The following GRID2 variants were observed in gnomAD, a reference collection of about 807,000 sequenced individuals.
GRID2 encodes the protein glutamate receptor ionotropic, delta-2.
Under a neutral mutation model 114.8 loss-of-function variants are expected in GRID2, and 33 were observed. The observed-to-expected ratio is 0.29, with a 90% confidence interval of 0.22 to 0.38. The LOEUF is 0.38. Among genes scored for constraint, GRID2 ranks in the 10% least tolerant of loss-of-function variants. The pLI is 1.00. For missense variants in GRID2, 1,184 were observed against 1,257.7 expected (o/e 0.94, Z 0.89); for synonymous variants, 505 against 449.9 (o/e 1.12, Z -1.55).
At chr4:92,700,304 G>A (rs1734606009) in intron 2 of GRID2, among the ~76,000 whole-genome samples, 1 of 152,092 alleles carries the variant, frequency 6.6e-6, no homozygotes, top group African/African-American at 2.4e-5. Flanking sequence ...TTGTCATTTG[G>A]CTAGGTCATA....
chr4:92,585,563 A>G (rs1033322663), intron 1 of GRID2, among the ~76,000 whole-genome samples: 1 of 151,958 alleles, frequency 6.6e-6, no homozygotes, highest in East Asian at 1.9e-4. Flanking sequence ...CAATATTTAG[A>G]GTCTTTTATT....
intron 2 of GRID2, among the ~76,000 whole-genome samples, chr4:92,749,955 T>C (rs562463422): frequency 1.3e-5 from 2 of 150,566 alleles, no homozygotes; most frequent in Admixed American, 1.3e-4. Flanking sequence ...TCTGCCTCCC[T>C]AGTTCCAGCA....
chr4:92,525,954 A>G (rs766269398), intron 1 of GRID2, among the ~76,000 whole-genome samples: 2 of 152,110 alleles, frequency 1.3e-5, no homozygotes, highest in Non-Finnish European at 2.9e-5. Flanking sequence ...AGAAGTGATA[A>G]GTTTTCACAA....
intron 1 of GRID2, among the ~76,000 whole-genome samples, chr4:92,404,470 A>G (rs1473470148): frequency 2.0e-5 from 3 of 152,226 alleles, no homozygotes; most frequent in Non-Finnish European, 4.4e-5. Context: ...TGTGGAAGAC[A>G]GTGTGGCAAT....
At chr4:93,793,747 A>G (rs1015831751) in intron 1 of GRID2, among the ~76,000 whole-genome samples, 3 of 152,176 alleles carry the variant, frequency 2.0e-5, no homozygotes, top group Admixed American at 6.5e-5. Context: ...CCTGTGTACA[A>G]TGAGGGGAAG....
chr4:92,500,700 C>A (rs1314621530), intron 1 of GRID2, among the ~76,000 whole-genome samples: 1 of 152,108 alleles, frequency 6.6e-6, no homozygotes, highest in Non-Finnish European at 1.5e-5. Flanking sequence ...GGTATGAAAT[C>A]TTTGTCCGCC....
At chr4:93,076,397 A>G (rs944539479) in intron 2 of GRID2, among the ~76,000 whole-genome samples, 24 of 152,104 alleles carry the variant, frequency 1.6e-4, no homozygotes, top group Non-Finnish European at 4.4e-5. Flanking sequence ...GTATGATGAC[A>G]TTGGAAGTTT....
intron 3 of GRID2, among the ~76,000 whole-genome samples, chr4:93,086,997 T>TCA (rs1730382264): frequency 6.6e-6 from 1 of 150,932 alleles, no homozygotes; most frequent in Admixed American, 6.7e-5. Flanking sequence ...AGAACAATTT[T>TCA]CAGTTAGTAC....
chr4:92,392,823 TCC>T (rs1730312469), intron 1 of GRID2, among the ~76,000 whole-genome samples: 1 of 152,194 alleles, frequency 6.6e-6, no homozygotes. Context: ...TTTATCGCCT[TCC>T]TTACCCTGCG....
intron 2 of GRID2, among the ~76,000 whole-genome samples, chr4:92,630,789 G>T (rs993773377): frequency 2.6e-5 from 4 of 151,980 alleles, no homozygotes; most frequent in African/African-American, 9.7e-5. Context: ...ACATTACGGA[G>T]GCTGGAAAGA....
At chr4:93,581,326 A>G (rs1736965544) in intron 13 of GRID2, among the ~76,000 whole-genome samples, 1 of 152,180 alleles carries the variant, frequency 6.6e-6, no homozygotes. Flanking sequence ...TTATCCAAAA[A>G]TCAAAGTGAA....
Position 93,772,175 on chromosome 4 carries a change from G to A in GRID2, c.2701G>A (p.Asp901Asn). ...TAAACAGTTTTCCACCTCGTCAATT[G>A]ATTTGACCCCTCTGGACATTGACAC... ...PHKQFSTSSI[D>N]LTPLDIDTLP... The change falls in exon 16 of 16, where the codon GAT becomes AAT. Residue 901 changes from aspartate to asparagine, a missense_variant. By Grantham distance (23) the Asp-to-Asn change is conservative. Around this residue, in one of 3 missense-constraint regions of GRID2, gnomAD observed 717 missense variants for 796.9 expected, o/e 0.90. Transcript: ENST00000282020. The A allele has an allele frequency of 6.2e-7, 1 of 1,613,696 alleles. No homozygotes were observed. Among genetic ancestry groups the A allele is most frequent in the African/African-American group, 1.3e-5 (1 of 74,992 alleles).
chr4:92,487,552 C>A (rs1455225501), intron 1 of GRID2, among the ~76,000 whole-genome samples: 1 of 152,070 alleles, frequency 6.6e-6, no homozygotes, highest in Admixed American at 6.6e-5. Context: ...TTAGTATTTT[C>A]AACATATCCA....
intron 5 of GRID2, among the ~76,000 whole-genome samples, chr4:93,207,686 A>G (rs1451525152): frequency 1.3e-5 from 2 of 152,000 alleles, no homozygotes; most frequent in Non-Finnish European, 2.9e-5. Context: ...AGTCTCTTTT[A>G]GCTCTTTCTG....
chr4:93,806,602 A>T (rs1193155447), intron 1 of GRID2: 1 of 152,226 alleles, frequency 6.6e-6, no homozygotes, highest in African/African-American at 2.4e-5. Context: ...CACTTTGTTT[A>T]CGATGGACAT....
chr4:92,327,366 TTG>T (rs33960256), intron 1 of GRID2, among the ~76,000 whole-genome samples: 9,922 of 149,838 alleles, frequency 0.066, 355 homozygotes, highest in Middle Eastern at 0.14. Flanking sequence ...ATCCTAGATT[TTG>T]TGTGTGTGTG....
At chr4:92,493,158 G>C (rs574476082) in intron 1 of GRID2, among the ~76,000 whole-genome samples, 146 of 146,188 alleles carry the variant, frequency 1.0e-3, no homozygotes, top group African/African-American at 3.5e-3. Flanking sequence ...GAATTGAATT[G>C]AATAAAGTTT....
At chr4:93,786,915 C>A (rs1734605131) in intron 1 of GRID2, among the ~76,000 whole-genome samples, 1 of 152,074 alleles carries the variant, frequency 6.6e-6, no homozygotes, top group Non-Finnish European at 1.5e-5. Context: ...CAAAGTGGTA[C>A]TAAACAAAAG....
intron 8 of GRID2, among the ~76,000 whole-genome samples, chr4:93,249,515 G>A (rs1748599654): frequency 6.6e-6 from 1 of 152,108 alleles, no homozygotes; most frequent in Non-Finnish European, 1.5e-5. Flanking sequence ...AGCATGGAAT[G>A]TTTTTCCATT....
Sources: gnomAD v4.1 joint callset for allele counts (sites outside exome capture counted in the v4.1 genomes callset) on GRCh38, gnomAD v4.1.1 for gene constraint, gnomAD v4.1.1 regional missense constraint, MANE v1.5 for transcripts, NCBI Gene and HGNC (gene_info 2026-07-23, HGNC 2026-07-21) for gene names.